Variants in HTR4 observed in about 807,000 individuals in gnomAD.
HTR4 encodes the protein 5-hydroxytryptamine receptor 4.
In HTR4, 16 loss-of-function variants were observed where a neutral mutation model predicts 36.8. The observed-to-expected ratio is 0.43, with a 90% CI of 0.29 to 0.66. The LOEUF (loss-of-function observed/expected upper bound fraction) is 0.66, where lower values mean the gene tolerates loss of function less well. Among genes scored for constraint, HTR4 ranks in the 30% least tolerant of loss-of-function variants. The pLI is 0.13. For missense variants in HTR4, 438 were observed against 490.9 expected (o/e 0.89, Z 1.02); for synonymous variants, 189 against 185.1 (o/e 1.02, Z -0.17).
At chr5:148,453,784 A>G (rs1214384420) in intron 5 of HTR4, among the ~76,000 whole-genome samples, 2 of 152,192 alleles carry the variant, frequency 1.3e-5, no homozygotes, top group African/African-American at 2.4e-5. Flanking sequence ...GCCTCTCAGC[A>G]GACTCCCTCT....
chr5:148,579,861 ATC>A (rs2127242764), intron 2 of HTR4, among the ~76,000 whole-genome samples: 1 of 152,144 alleles, frequency 6.6e-6, no homozygotes, highest in African/African-American at 2.4e-5. Flanking sequence ...TGATTTCTGC[ATC>A]TCTTTCCTCT....
intron 2 of HTR4, among the ~76,000 whole-genome samples, chr5:148,565,726 C>A (rs896308771): frequency 5.3e-5 from 8 of 152,232 alleles, no homozygotes; most frequent in African/African-American, 1.7e-4. Flanking sequence ...ATGGGAGAGG[C>A]AGGTGGAGAA....
At chr5:148,605,919 A>G (rs777237236) in intron 2 of HTR4, among the ~76,000 whole-genome samples, 1 of 152,140 alleles carries the variant, frequency 6.6e-6, no homozygotes, top group African/African-American at 2.4e-5. Context: ...ACACAACTCA[A>G]TTCTACAGAT....
chr5:148,482,613 C>A lies in HTR4; in HGVS notation c.*590G>T. ...CGTCTGGGACTGACAAGGGGGCCAA[C>A]CAAGAGGATGCACGTTTGGACCCAG... On this transcript the variant is annotated 3_prime_UTR_variant, in exon 7 of 7. Coordinates refer to ENST00000377888, the MANE Select transcript of HTR4 (RefSeq NM_000870.7). The A allele has an allele frequency of 1.0e-6, 1 of 987,384 alleles. No individual in the cohort carries two copies. Among genetic ancestry groups the A allele is most frequent in the Non-Finnish European group, 1.2e-6 (1 of 831,250 alleles). 61.2% of individuals were successfully genotyped at this position (987,384 alleles called of 1,614,324 possible).
At chr5:148,493,207 C>T (rs1756537612) in intron 6 of HTR4, among the ~76,000 whole-genome samples, 1 of 152,074 alleles carries the variant, frequency 6.6e-6, no homozygotes, top group African/African-American at 2.4e-5. Context: ...TGATGGGGAC[C>T]AAGGCCGGCT....
intron 5 of HTR4, among the ~76,000 whole-genome samples, chr5:148,453,718 C>A (rs7733401): frequency 0.33 from 50,560 of 151,996 alleles, 8,792 homozygotes; most frequent in East Asian, 0.47. Flanking sequence ...CCCTATAAGG[C>A]TCTGGCTTTT....
intron 2 of HTR4, among the ~76,000 whole-genome samples, chr5:148,592,333 G>A (rs533958679): frequency 1.3e-5 from 2 of 152,140 alleles, no homozygotes; most frequent in South Asian, 2.1e-4. Context: ...AAACTCCCAT[G>A]CCCCATATGT....
rs540098423 is a variant in HTR4 at position 148,453,687 on chromosome 5, G to A, written c.1077-2415C>T. On this transcript the variant is annotated intron_variant, in intron 5 of 5. Transcript: ENST00000521530. ...TCAGCAAGGCAGCCAGGGCCAAGTG[G>A]GCGGGGGTGGGCTTGAAAATCCCTA... 6.6e-5 allele frequency among the ~76,000 whole-genome samples: 10 copies of A among 152,286 alleles called. No individual in the cohort carries two copies. The South Asian group carries it at 2.1e-3, about 32-fold the overall frequency.
chr5:148,625,592 T>C (rs1753072676), intron 2 of HTR4, among the ~76,000 whole-genome samples: 1 of 152,176 alleles, frequency 6.6e-6, no homozygotes, highest in African/African-American at 2.4e-5. Context: ...TTTTTTTGTT[T>C]GTTTTTTTAG....
chr5:148,482,682 G>A lies in HTR4; in HGVS notation c.*521C>T. 1 of 1,003,528 alleles carries A rather than the reference G, an allele frequency of 1.0e-6. No individual in the cohort carries two copies. Among genetic ancestry groups the A allele is most frequent in the Non-Finnish European group, 1.2e-6 (1 of 839,262 alleles). The allele number at this position is 1,003,528 out of a possible 1,614,324, so 62.2% of individuals were successfully genotyped here. ...GTTAGCGTCTGGCACAGAACAGGGC[G>A]AAGAAGAGGCAGGGGATAGCTTGAA... is the stretch of plus-strand genomic sequence containing the variant. On this transcript the variant is annotated 3_prime_UTR_variant, in exon 7 of 7. Coordinates refer to ENST00000377888, the MANE Select transcript of HTR4 (RefSeq NM_000870.7).
At chr5:148,525,839 G>T (rs976721874) in intron 4 of HTR4, among the ~76,000 whole-genome samples, 6 of 152,188 alleles carry the variant, frequency 3.9e-5, no homozygotes. Flanking sequence ...TTAGACATAG[G>T]ATTTTAAAAG....
intron 2 of HTR4, chr5:148,630,483 A>G (rs1753283777): frequency 6.6e-6 from 1 of 152,212 alleles, no homozygotes; most frequent in Non-Finnish European, 1.5e-5. Context: ...GCCACTTATT[A>G]GCTCCAATAT....
intron 4 of HTR4, among the ~76,000 whole-genome samples, chr5:148,544,392 A>G (rs1356753327): frequency 6.6e-6 from 1 of 152,028 alleles, no homozygotes; most frequent in African/African-American, 2.4e-5. Flanking sequence ...TTTATTTTAC[A>G]AAAATGGAAC....
At position 148,568,763 on chromosome 5, in the gene HTR4, G is replaced by A. The variant is rs79482616; in HGVS notation, c.27-18501C>T. 1.4e-3 allele frequency among the ~76,000 whole-genome samples: 207 copies of A among 152,214 alleles called. 4 individuals carry two copies. The East Asian group carries it at 0.028, about 21-fold the overall frequency. Reference sequence around the variant, plus strand: ...TGGATGCTAATTTGGCAGTATGTTCGAAATTTTTGAATGCACATTTTTAAC... The same window carrying A: ...TGGATGCTAATTTGGCAGTATGTTCAAAATTTTTGAATGCACATTTTTAAC... On this transcript the variant is annotated intron_variant, in intron 2 of 6. Transcript: ENST00000377888.
chr5:148,606,511 A>C (rs903235599), intron 2 of HTR4, among the ~76,000 whole-genome samples: 3 of 152,222 alleles, frequency 2.0e-5, no homozygotes, highest in Admixed American at 2.0e-4. Context: ...ACCTTAGGCA[A>C]GTGGCTTAAC....
rs767717103 is a variant in HTR4 at position 148,509,632 on chromosome 5, G to A, written c.900C>T (p.Leu300=). The change falls in exon 6 of 7, where the codon CTC becomes CTT. Residue 300 remains leucine, a synonymous_variant. Coordinates refer to ENST00000377888, the MANE Select transcript of HTR4 (RefSeq NM_000870.7). ...GGTTCAACCCGGAATTGATATAGCC[G>A]AGCCAGAGGAAAGCAGTCCACACCT... The part of the protein sequence containing the change: ...PGQVWTAFLW[L]GYINSGLNPF... The A allele has an allele frequency of 9.3e-6, 15 of 1,614,068 alleles. No homozygotes were observed. The highest frequency in any genetic ancestry group is 1.3e-5 in the Non-Finnish European group (15 of 1,179,998).
intron 2 of HTR4, among the ~76,000 whole-genome samples, chr5:148,581,966 G>T (rs181429568): frequency 6.6e-6 from 1 of 152,158 alleles, no homozygotes; most frequent in East Asian, 1.9e-4. Context: ...TTTGGGAAAA[G>T]CACACAAAAT....
chr5:148,500,746 C>T (rs1756900160), intron 6 of HTR4, among the ~76,000 whole-genome samples: 2 of 151,974 alleles, frequency 1.3e-5, no homozygotes, highest in South Asian at 4.2e-4. Flanking sequence ...TAGTATATAA[C>T]TAATTTAAAA....
chr5:148,508,826 C>T (rs1344018252), intron 6 of HTR4, among the ~76,000 whole-genome samples: 1 of 151,820 alleles, frequency 6.6e-6, no homozygotes, highest in African/African-American at 2.4e-5. Flanking sequence ...CTTCTAGTAC[C>T]ATTGTGAGTG....
Sources: allele counts gnomAD v4.1 joint callset (sites outside exome capture counted in the v4.1 genomes callset), GRCh38; gene constraint gnomAD v4.1.1; transcripts MANE v1.5; gene names NCBI Gene and HGNC (gene_info 2026-07-23, HGNC 2026-07-21).